Variants in EIF4G3 observed in about 807,000 individuals in gnomAD.
The protein encoded by EIF4G3 is eIF-4-gamma 3.
A neutral mutation model predicts 186.4 loss-of-function variants in EIF4G3; 34 were observed. That is an observed-to-expected ratio of 0.18 (90% confidence interval 0.14 to 0.24). EIF4G3 has a LOEUF of 0.24. EIF4G3 is among the 10% of genes least tolerant of loss of function. The probability of loss-of-function intolerance (pLI) is 1.00; values close to 1 mark genes in which losing one functional copy is unlikely to be tolerated. For missense variants in EIF4G3, 1,536 were observed against 1,948.5 expected, an observed-to-expected ratio of 0.79 and a Z score of 3.99; for synonymous variants, 673 against 679.5, an observed-to-expected ratio of 0.99 and a Z score of 0.15.
chr1:20,943,198 C>T (rs1206713889), intron 13 of EIF4G3, among the ~76,000 whole-genome samples: 1 of 151,904 alleles, frequency 6.6e-6, no homozygotes, highest in Non-Finnish European at 1.5e-5. Flanking sequence ...TATCTTGTGT[C>T]TTTACATGTA....
intron 4 of EIF4G3, among the ~76,000 whole-genome samples, chr1:21,009,241 T>C (rs2086234579): frequency 1.3e-5 from 2 of 152,214 alleles, no homozygotes. Flanking sequence ...AGTGCAGTGC[T>C]ACCAACACAG....
At chr1:20,949,506 G>A (rs2096111880) in intron 13 of EIF4G3, among the ~76,000 whole-genome samples, 1 of 152,150 alleles carries the variant, frequency 6.6e-6, no homozygotes, top group African/African-American at 2.4e-5. Context: ...AAGGTCAGTG[G>A]CTCAATCAAG....
chr1:21,117,478 C>T (rs1430770638), intron 2 of EIF4G3, among the ~76,000 whole-genome samples: 1 of 151,968 alleles, frequency 6.6e-6, no homozygotes, highest in Non-Finnish European at 1.5e-5. Flanking sequence ...ACAATAAAAG[C>T]TTTGCTTTGC....
At chr1:20,973,212 A>T in intron 10 of EIF4G3, 113 bp from the exon 11 acceptor site, 1 of 716,754 alleles carries the variant, frequency 1.4e-6, no homozygotes, top group Middle Eastern at 2.4e-4. Flanking sequence ...AAACAAAAAC[A>T]CTAAGCATTC....
intron 2 of EIF4G3, among the ~76,000 whole-genome samples, chr1:21,102,198 C>T (rs531973533): frequency 4.3e-4 from 66 of 152,248 alleles, no homozygotes; most frequent in African/African-American, 1.5e-3. Flanking sequence ...TGTCTGTAAT[C>T]CCACCACTTT....
chr1:20,921,687 G>C (rs2154559969), intron 14 of EIF4G3, among the ~76,000 whole-genome samples: 1 of 152,314 alleles, frequency 6.6e-6, no homozygotes, highest in East Asian at 1.9e-4. Context: ...GATATTGCCA[G>C]GTGAGGAGAT....
intron 2 of EIF4G3, among the ~76,000 whole-genome samples, chr1:21,156,547 G>A (rs2097664579): frequency 6.6e-6 from 1 of 152,024 alleles, no homozygotes; most frequent in African/African-American, 2.4e-5. Context: ...GAATTTATCT[G>A]TCCACTATCT....
At chr1:20,952,398 C>A (rs1282405988) in intron 12 of EIF4G3, among the ~76,000 whole-genome samples, 1 of 152,140 alleles carries the variant, frequency 6.6e-6, no homozygotes, top group African/African-American at 2.4e-5. Context: ...TTGTGATCCG[C>A]CTACCTTGAC....
At chr1:21,132,284 A>G (rs1573035564) in intron 2 of EIF4G3, among the ~76,000 whole-genome samples, 1 of 152,162 alleles carries the variant, frequency 6.6e-6, no homozygotes, top group Non-Finnish European at 1.5e-5. Flanking sequence ...CTGTTAATTC[A>G]GATACTGCTT....
intron 2 of EIF4G3, among the ~76,000 whole-genome samples, chr1:21,120,346 C>T (rs2096904395): frequency 1.3e-5 from 2 of 151,852 alleles, no homozygotes; most frequent in South Asian, 4.2e-4. Flanking sequence ...CACTCCATGT[C>T]CTGATGTAAA....
At chr1:20,822,106 G>A (rs968023155) in intron 33 of EIF4G3, among the ~76,000 whole-genome samples, 3 of 152,052 alleles carry the variant, frequency 2.0e-5, no homozygotes, top group Non-Finnish European at 4.4e-5. Context: ...TCGAACTCCT[G>A]ACCTCGTGAT....
intron 30 of EIF4G3, among the ~76,000 whole-genome samples, chr1:20,839,043 A>G (rs536073973): frequency 6.6e-6 from 1 of 152,106 alleles, no homozygotes; most frequent in East Asian, 1.9e-4. Flanking sequence ...CAGTGGCGCA[A>G]TTTCAGCTCA....
intron 4 of EIF4G3, among the ~76,000 whole-genome samples, chr1:21,026,343 G>T (rs529931354): frequency 6.6e-6 from 1 of 152,180 alleles, no homozygotes; most frequent in East Asian, 1.9e-4. Flanking sequence ...ATATACATAT[G>T]CAAAAGAATG....
At chr1:21,088,693 C>T (rs2101127794) in intron 3 of EIF4G3, among the ~76,000 whole-genome samples, 1 of 152,096 alleles carries the variant, frequency 6.6e-6, no homozygotes, top group South Asian at 2.1e-4. Context: ...GGTGAAACCC[C>T]ATCTGTACTA....
chr1:21,057,721 A>G (rs1003591501), intron 3 of EIF4G3, among the ~76,000 whole-genome samples: 2 of 152,192 alleles, frequency 1.3e-5, no homozygotes, highest in African/African-American at 4.8e-5. Flanking sequence ...AGACAAAAAC[A>G]AGCAAACTAC....
At chr1:20,919,402 G>A (rs969105173) in intron 14 of EIF4G3, among the ~76,000 whole-genome samples, 4 of 151,968 alleles carry the variant, frequency 2.6e-5, no homozygotes, top group African/African-American at 4.8e-5. Context: ...ACAGGATTTC[G>A]TTATATTGTT....
intron 4 of EIF4G3, among the ~76,000 whole-genome samples, chr1:21,050,382 A>G (rs574849029): frequency 1.2e-4 from 18 of 152,262 alleles, no homozygotes; most frequent in Admixed American, 4.6e-4. Context: ...TAACAGTTCA[A>G]CAAAAACTTA....
intron 20 of EIF4G3, among the ~76,000 whole-genome samples, chr1:20,870,060 T>A (rs2078771347): frequency 6.7e-6 from 1 of 149,464 alleles, no homozygotes; most frequent in South Asian, 2.2e-4. Context: ...AAAGTATAAG[T>A]CATCTCTGAT....
At chr1:21,154,898 A>T (rs536795329) in intron 2 of EIF4G3, among the ~76,000 whole-genome samples, 41 of 152,294 alleles carry the variant, frequency 2.7e-4, no homozygotes, top group African/African-American at 9.9e-4. Context: ...ACTCACTTAT[A>T]AACTATCTAC....
Sources: gnomAD v4.1 joint callset for allele counts (sites outside exome capture counted in the v4.1 genomes callset) on GRCh38, gnomAD v4.1.1 for gene constraint, MANE v1.5 for transcripts, NCBI Gene and HGNC (gene_info 2026-07-23, HGNC 2026-07-21) for gene names.